Variants in SORCS1 observed in about 807,000 individuals in gnomAD.
The protein encoded by SORCS1 is sortilin related VPS10 domain containing receptor 1.
In SORCS1, 60 loss-of-function variants were observed where a neutral mutation model predicts 146.1. The ratio of observed to expected loss-of-function variants is 0.41; its 90% CI spans 0.33 to 0.51. SORCS1 has a LOEUF of 0.51. SORCS1 is among the 20% of genes least tolerant of loss of function. The probability of loss-of-function intolerance (pLI) is 0.21; values close to 1 mark genes in which losing one functional copy is unlikely to be tolerated. For synonymous variants in SORCS1, 637 were observed against 584.0 expected (o/e 1.09, Z -1.31); for missense variants, 1,352 against 1,487.6 (o/e 0.91, Z 1.50).
At chr10:106,593,849 G>A (rs1381406731) in intron 24 of SORCS1, among the ~76,000 whole-genome samples, 1 of 152,152 alleles carries the variant, frequency 6.6e-6, no homozygotes, top group Non-Finnish European at 1.5e-5. Context: ...TTAAATCTCA[G>A]TGTGCATATC....
At chr10:107,166,148 G>A (rs1590289383), upstream of SORCS1, among the ~76,000 whole-genome samples, 1 of 152,282 alleles carries the variant, frequency 6.6e-6, no homozygotes, top group East Asian at 1.9e-4. Flanking sequence ...TTGAATAAAT[G>A]AATGACACAA....
chr10:106,976,498 A>AT (rs1268121409), intron 1 of SORCS1, among the ~76,000 whole-genome samples: 2 of 151,456 alleles, frequency 1.3e-5, no homozygotes, highest in Non-Finnish European at 2.9e-5. Flanking sequence ...CACCCGGCTA[A>AT]TTTTTTGTAT....
intron 2 of SORCS1, among the ~76,000 whole-genome samples, chr10:106,955,081 T>C (rs555408265): frequency 2.2e-4 from 33 of 152,330 alleles, no homozygotes; most frequent in Admixed American, 5.9e-4. Context: ...CTGAACGAGC[T>C]GTAACACGAA....
At chr10:106,793,843 T>G (rs1014275334) in intron 3 of SORCS1, among the ~76,000 whole-genome samples, 11 of 152,214 alleles carry the variant, frequency 7.2e-5, no homozygotes, top group Admixed American at 6.5e-4. Flanking sequence ...TCAATCCTCT[T>G]TAAGGATCTA....
intron 1 of SORCS1, among the ~76,000 whole-genome samples, chr10:107,045,807 G>A (rs1208868353): frequency 2.7e-5 from 2 of 73,980 alleles, no homozygotes; most frequent in Non-Finnish European, 5.4e-5. Context: ...TTTCTCAGTT[G>A]TGTTCTTATT....
intron 3 of SORCS1, among the ~76,000 whole-genome samples, chr10:106,798,881 T>C (rs1946727269): frequency 6.6e-6 from 1 of 152,204 alleles, no homozygotes; most frequent in Non-Finnish European, 1.5e-5. Flanking sequence ...AAAAACTACT[T>C]TGAAGTTCAT....
intron 10 of SORCS1, among the ~76,000 whole-genome samples, chr10:106,687,422 G>A (rs1015133120): frequency 2.0e-5 from 3 of 152,090 alleles, no homozygotes; most frequent in African/African-American, 7.2e-5. Context: ...TTTGTAAAGG[G>A]CCAGATAATA....
chr10:106,924,194 C>T (rs1952866077), intron 2 of SORCS1, among the ~76,000 whole-genome samples: 1 of 149,206 alleles, frequency 6.7e-6, no homozygotes, highest in Non-Finnish European at 1.5e-5. Flanking sequence ...GTGGAGGTTG[C>T]AGTGAGCCGA....
intron 5 of SORCS1, among the ~76,000 whole-genome samples, chr10:106,751,705 A>G (rs982798833): frequency 6.6e-6 from 1 of 152,210 alleles, no homozygotes; most frequent in Non-Finnish European, 1.5e-5. Context: ...AGGGAAATAC[A>G]GAGGTTACCT....
intron 1 of SORCS1, among the ~76,000 whole-genome samples, chr10:107,142,575 T>C (rs1000184086): frequency 7.2e-5 from 11 of 152,352 alleles, no homozygotes; most frequent in Non-Finnish European, 1.6e-4. Context: ...TCTAAATTTA[T>C]ATATTTTATT....
chr10:106,891,087 C>A (rs1317627472), intron 2 of SORCS1, among the ~76,000 whole-genome samples: 1 of 152,134 alleles, frequency 6.6e-6, no homozygotes, highest in African/African-American at 2.4e-5. Flanking sequence ...AACCCCCAGG[C>A]CTTCAGGAAC....
At chr10:106,612,409 G>A (rs1283176422) in intron 21 of SORCS1, among the ~76,000 whole-genome samples, 7 of 44,642 alleles carry the variant, frequency 1.6e-4, no homozygotes, top group East Asian at 9.1e-4. Context: ...CCCCACCCCC[G>A]CAGCGTGACC....
rs1295645415 is a variant in SORCS1 at position 106,733,115 on chromosome 10, AGAAAAG to A, written c.960-3007_960-3002del. Among the ~76,000 whole-genome samples, 10 of 127,924 alleles carry A rather than the reference AGAAAAG, an allele frequency of 7.8e-5. No individual in the cohort carries two copies. In the East Asian group the frequency reaches 8.4e-4, roughly 11 times the overall value. The allele number at this position is 127,924 out of a possible 152,430, so 83.9% of individuals were successfully genotyped here. ...AAAGTGATACTCCATTTCAAAAAAA[AGAAAAG>A]AAAAGAAAAGAAAAGAAAAGAAAAA... On this transcript the variant is annotated intron_variant, in intron 5 of 25. Coordinates refer to ENST00000263054, the MANE Select transcript of SORCS1 (RefSeq NM_052918.5).
chr10:106,698,727 G>A (rs1300501160), intron 9 of SORCS1, among the ~76,000 whole-genome samples: 1 of 152,210 alleles, frequency 6.6e-6, no homozygotes, highest in Admixed American at 6.5e-5. Flanking sequence ...CTGGCCCTGT[G>A]AGAAAAAGGC....
At chr10:106,867,923 G>A (rs529324035) in intron 2 of SORCS1, among the ~76,000 whole-genome samples, 27 of 152,282 alleles carry the variant, frequency 1.8e-4, no homozygotes, top group African/African-American at 6.0e-4. Context: ...CAAGCTGGAT[G>A]AAAAAGCAAG....
At chr10:106,753,316 T>C (rs958082972) in intron 5 of SORCS1, among the ~76,000 whole-genome samples, 4 of 152,180 alleles carry the variant, frequency 2.6e-5, no homozygotes, top group African/African-American at 9.6e-5. Context: ...CCACATTCTC[T>C]AAGTCTCTTT....
intron 3 of SORCS1, among the ~76,000 whole-genome samples, chr10:106,802,594 G>A (rs1946959500): frequency 6.6e-6 from 1 of 151,972 alleles, no homozygotes; most frequent in Non-Finnish European, 1.5e-5. Flanking sequence ...CGCCTCCCAG[G>A]TTCAAGTGAT....
intron 2 of SORCS1, among the ~76,000 whole-genome samples, chr10:106,864,274 GGTCCAC>G (rs1321810474): frequency 6.6e-6 from 1 of 152,046 alleles, no homozygotes; most frequent in African/African-American, 2.4e-5. Context: ...GCAGAATGAC[GGTCCAC>G]CAGGGAGCAA....
At chr10:106,966,901 T>TA (rs971227117) in intron 1 of SORCS1, among the ~76,000 whole-genome samples, 1 of 151,800 alleles carries the variant, frequency 6.6e-6, no homozygotes, top group Non-Finnish European at 1.5e-5. Context: ...ACCCAAAAAA[T>TA]AAAAATAAAA....
Sources: gnomAD v4.1 joint callset for allele counts (sites outside exome capture counted in the v4.1 genomes callset) on GRCh38, gnomAD v4.1.1 for gene constraint, MANE v1.5 for transcripts, NCBI Gene and HGNC (gene_info 2026-07-23, HGNC 2026-07-21) for gene names.